The following OCA2 variants were observed in gnomAD, a reference collection of about 807,000 sequenced individuals.
OCA2 encodes P protein.
In OCA2, 77 loss-of-function variants were observed where a neutral mutation model predicts 100.2. The observed-to-expected ratio is 0.77, with a 90% CI of 0.64 to 0.93. The LOEUF (loss-of-function observed/expected upper bound fraction) is 0.93, where lower values mean the gene tolerates loss of function less well. Among genes scored for constraint, OCA2 ranks in the 40% least tolerant of loss-of-function variants. The pLI is 0.00. For synonymous variants in OCA2, 432 were observed against 439.2 expected (o/e 0.98, Z 0.21); for missense variants, 1,062 against 1,089.1 (o/e 0.98, Z 0.35).
At chr15:28,049,500 C>T (rs2043444141) in intron 2 of OCA2, among the ~76,000 whole-genome samples, 1 of 152,138 alleles carries the variant, frequency 6.6e-6, no homozygotes, top group South Asian at 2.1e-4. Flanking sequence ...AAAGCAGGGA[C>T]TCAGATACTT....
At chr15:27,951,926 C>T in intron 17 of OCA2, 34 bp from the exon 18 acceptor site, 1 of 1,420,150 alleles carries the variant, frequency 7.0e-7, no homozygotes, top group Non-Finnish European at 1.0e-6. Flanking sequence ...ATTTACTCTG[C>T]ACAACCTTCT....
chr15:27,865,776 C>T (rs2151472375), intron 21 of OCA2, among the ~76,000 whole-genome samples: 1 of 152,168 alleles, frequency 6.6e-6, no homozygotes, highest in East Asian at 1.9e-4. Flanking sequence ...GGCGGCACTG[C>T]CTTCTCTCTA....
chr15:27,932,059 A>G (rs2039272312), intron 18 of OCA2, among the ~76,000 whole-genome samples: 1 of 152,258 alleles, frequency 6.6e-6, no homozygotes, highest in Non-Finnish European at 1.5e-5. Context: ...TGGAGAACAC[A>G]TGTATGTAAA....
chr15:28,037,736 G>A (rs1315438383), intron 2 of OCA2, among the ~76,000 whole-genome samples: 3 of 152,130 alleles, frequency 2.0e-5, no homozygotes, highest in East Asian at 3.9e-4. Context: ...ATTTTAAAAG[G>A]AGCAAATGGG....
intron 23 of OCA2, among the ~76,000 whole-genome samples, chr15:27,770,832 TCCTC>T (rs1455546403): frequency 8.1e-6 from 1 of 122,812 alleles, no homozygotes; most frequent in Non-Finnish European, 1.6e-5. Context: ...CATTCTTCCT[TCCTC>T]CCTCTTTTCC....
chr15:28,084,504 A>G (rs1379816419), intron 1 of OCA2, among the ~76,000 whole-genome samples: 2 of 152,170 alleles, frequency 1.3e-5, no homozygotes, highest in South Asian at 2.1e-4. Flanking sequence ...TTGCTGCAAA[A>G]CAAATCACCA....
chr15:27,746,239 C>T, the OCA2 span, among the ~76,000 whole-genome samples: 1 of 152,118 alleles, frequency 6.6e-6, no homozygotes, highest in Non-Finnish European at 1.5e-5. Flanking sequence ...AGGTGGATCA[C>T]GGGGTCAGGA....
At chr15:27,743,268 A>G in the OCA2 span, among the ~76,000 whole-genome samples, 1 of 152,190 alleles carries the variant, frequency 6.6e-6, no homozygotes, top group Admixed American at 6.5e-5. Context: ...CACGGCCACA[A>G]GTCTGTAAGG....
At chr15:27,815,137 A>C (rs1322236018) in intron 23 of OCA2, among the ~76,000 whole-genome samples, 1 of 152,162 alleles carries the variant, frequency 6.6e-6, no homozygotes, top group Non-Finnish European at 1.5e-5. Flanking sequence ...AAGTAAGATA[A>C]GAAATTATTG....
intron 23 of OCA2, among the ~76,000 whole-genome samples, chr15:27,775,027 C>T (rs1361091880): frequency 7.7e-6 from 1 of 129,666 alleles, no homozygotes; most frequent in Non-Finnish European, 1.7e-5. Flanking sequence ...TGTAGATATT[C>T]TCTCCAGTCA....
chr15:27,753,989 C>A (rs4301973), downstream of OCA2, among the ~76,000 whole-genome samples: 4 of 152,030 alleles, frequency 2.6e-5, no homozygotes, highest in South Asian at 8.3e-4. Context: ...TTTCAGTGAC[C>A]GGCTCAGGGA....
intron 14 of OCA2, among the ~76,000 whole-genome samples, chr15:27,975,601 T>G (rs11636005): frequency 0.51 from 77,762 of 151,974 alleles, 24,307 homozygotes; most frequent in Non-Finnish European, 0.72. Context: ...TTCACTTATG[T>G]GTGGGCCTGT....
intron 2 of OCA2, among the ~76,000 whole-genome samples, chr15:28,033,374 C>T (rs761328411): frequency 3.3e-5 from 5 of 152,206 alleles, no homozygotes; most frequent in Admixed American, 3.3e-4. Context: ...CACGAATGCA[C>T]AACAAAGGAA....
intron 22 of OCA2, among the ~76,000 whole-genome samples, chr15:27,845,742 C>T (rs571232415): frequency 1.4e-4 from 21 of 152,244 alleles, no homozygotes; most frequent in African/African-American, 4.8e-4. Flanking sequence ...CGAACAGGCG[C>T]GTGATTTGGG....
intron 19 of OCA2, among the ~76,000 whole-genome samples, chr15:27,914,151 A>G (rs1198247807): frequency 6.6e-6 from 1 of 152,178 alleles, no homozygotes. Flanking sequence ...GATCATCGCC[A>G]TAGATGCAGA....
chr15:28,061,918 G>A (rs1398268112), intron 2 of OCA2, among the ~76,000 whole-genome samples: 4 of 152,108 alleles, frequency 2.6e-5, no homozygotes, highest in African/African-American at 9.7e-5. Flanking sequence ...ATTTTTATGG[G>A]AACTATGTTC....
chr15:27,968,770 T>C (rs2040667251), intron 14 of OCA2, among the ~76,000 whole-genome samples: 4 of 152,196 alleles, frequency 2.6e-5, no homozygotes, highest in Non-Finnish European at 5.9e-5. Flanking sequence ...AGCTAATTCC[T>C]GGACAGATGG....
intron 9 of OCA2, among the ~76,000 whole-genome samples, chr15:28,005,392 G>C (rs893359954): frequency 6.6e-6 from 1 of 152,028 alleles, no homozygotes; most frequent in Non-Finnish European, 1.5e-5. Context: ...TGAGTTTCCC[G>C]GGCTGCTGTC....
intron 19 of OCA2, among the ~76,000 whole-genome samples, chr15:27,873,442 C>T (rs796931369): frequency 1.3e-5 from 2 of 152,188 alleles, no homozygotes; most frequent in African/African-American, 4.8e-5. Context: ...TTAAATAACA[C>T]TTTAAAATTG....
Sources: gnomAD v4.1 joint callset for allele counts (sites outside exome capture counted in the v4.1 genomes callset) on GRCh38, gnomAD v4.1.1 for gene constraint, MANE v1.5 for transcripts, NCBI Gene and HGNC (gene_info 2026-07-23, HGNC 2026-07-21) for gene names.